SETBP1: variants seen among roughly 807,000 people sequenced by gnomAD.
SETBP1 encodes the protein SET-binding protein.
In SETBP1, 9 loss-of-function variants were observed where a neutral mutation model predicts 101.0. That is an observed-to-expected ratio of 0.09 (90% CI 0.05 to 0.16). SETBP1 has a LOEUF of 0.16. Among genes scored for constraint, SETBP1 ranks in the 10% least tolerant of loss-of-function variants. The pLI is 1.00. For missense variants in SETBP1, 1,858 were observed against 2,033.8 expected, an observed-to-expected ratio of 0.91 and a Z score of 1.66; for synonymous variants, 818 against 788.5, an observed-to-expected ratio of 1.04 and a Z score of -0.63.
chr18:44,753,304 CA>C (rs1247753355), intron 2 of SETBP1, among the ~76,000 whole-genome samples: 9 of 152,144 alleles, frequency 5.9e-5, no homozygotes, highest in African/African-American at 2.2e-4. Flanking sequence ...CATAAAACCC[CA>C]GAATGATAAT....
intron 3 of SETBP1, among the ~76,000 whole-genome samples, chr18:44,938,837 C>CTG (rs2071019858): frequency 1.3e-5 from 2 of 152,128 alleles, no homozygotes; most frequent in South Asian, 2.1e-4. Context: ...TCAGCTATCT[C>CTG]TGCACAGAGG....
chr18:45,001,684 G>A (rs1251339831), intron 4 of SETBP1, among the ~76,000 whole-genome samples: 3 of 152,168 alleles, frequency 2.0e-5, no homozygotes, highest in Non-Finnish European at 4.4e-5. Context: ...GTTCTAATTT[G>A]AGCCTTGCAA....
intron 2 of SETBP1, among the ~76,000 whole-genome samples, chr18:44,718,686 A>C (rs1442097039): frequency 2.0e-5 from 3 of 152,160 alleles, no homozygotes; most frequent in Non-Finnish European, 4.4e-5. Context: ...CAGATGTTGC[A>C]AGTGGGGTAC....
At chr18:44,883,690 C>A (rs1035144204) in intron 3 of SETBP1, among the ~76,000 whole-genome samples, 6 of 152,158 alleles carry the variant, frequency 3.9e-5, no homozygotes, top group Non-Finnish European at 8.8e-5. Context: ...CTTTCTTATA[C>A]TTGGTGAGCA....
At chr18:44,928,723 G>A (rs924175247) in intron 3 of SETBP1, among the ~76,000 whole-genome samples, 1 of 152,180 alleles carries the variant, frequency 6.6e-6, no homozygotes, top group Admixed American at 6.5e-5. Flanking sequence ...CTGCATAAAT[G>A]TCTTCTTTTG....
At chr18:44,944,275 G>T (rs772311463) in intron 3 of SETBP1, among the ~76,000 whole-genome samples, 2 of 152,076 alleles carry the variant, frequency 1.3e-5, no homozygotes, top group South Asian at 4.1e-4. Flanking sequence ...AGGAATGCTC[G>T]GTGTTGCTAA....
intron 2 of SETBP1, among the ~76,000 whole-genome samples, chr18:44,844,996 C>T (rs552705351): frequency 8.5e-4 from 130 of 152,078 alleles, no homozygotes; most frequent in African/African-American, 3.0e-3. Context: ...TGATGGGAAT[C>T]GGTGACAGAC....
At chr18:45,055,832 G>T (rs1456647345) in intron 5 of SETBP1, among the ~76,000 whole-genome samples, 2 of 152,078 alleles carry the variant, frequency 1.3e-5, no homozygotes, top group African/African-American at 4.8e-5. Context: ...AAGTAGTTCT[G>T]TTTGCAAGGT....
intron 2 of SETBP1, among the ~76,000 whole-genome samples, chr18:44,768,598 T>A (rs572724889): frequency 3.9e-5 from 6 of 152,360 alleles, no homozygotes; most frequent in Admixed American, 2.0e-4. Context: ...ACCAAGATTT[T>A]TGGTGATTAC....
intron 2 of SETBP1, among the ~76,000 whole-genome samples, chr18:44,780,958 A>G (rs184400908): frequency 2.0e-5 from 3 of 152,284 alleles, no homozygotes; most frequent in Admixed American, 1.3e-4. Context: ...AAAGAGTTCC[A>G]GAGAAGGGGA....
chr18:44,701,990 T>A (rs1243771683), intron 2 of SETBP1, among the ~76,000 whole-genome samples, 158 bp downstream of exon 2: 1 of 152,176 alleles, frequency 6.6e-6, no homozygotes, highest in Non-Finnish European at 1.5e-5. Context: ...GTGTAACTTT[T>A]GACTTCCCCC....
chr18:44,874,352 T>A (rs1014685434), intron 3 of SETBP1, among the ~76,000 whole-genome samples: 1 of 152,210 alleles, frequency 6.6e-6, no homozygotes, highest in East Asian at 1.9e-4. Context: ...ATTTTTGGAA[T>A]CCATCTGAAG....
chr18:45,034,148 G>C (rs2073349908), intron 4 of SETBP1, among the ~76,000 whole-genome samples: 1 of 152,094 alleles, frequency 6.6e-6, no homozygotes, highest in Non-Finnish European at 1.5e-5. Flanking sequence ...TGAGCAACCT[G>C]GGGAAGAGGT....
chr18:44,682,775 C>T (rs570302555), intron 1 of SETBP1, among the ~76,000 whole-genome samples: 1 of 152,232 alleles, frequency 6.6e-6, no homozygotes, highest in East Asian at 1.9e-4. Flanking sequence ...GCTTGGCACA[C>T]GATTTCTCCT....
intron 3 of SETBP1, among the ~76,000 whole-genome samples, chr18:44,882,157 A>G (rs1167644566): frequency 6.6e-6 from 1 of 152,192 alleles, no homozygotes; most frequent in Non-Finnish European, 1.5e-5. Context: ...GCTGTCCCCA[A>G]TATTTTAGTA....
intron 2 of SETBP1, among the ~76,000 whole-genome samples, chr18:44,781,722 G>A (rs576171180): frequency 2.2e-4 from 33 of 152,170 alleles, no homozygotes; most frequent in Non-Finnish European, 3.5e-4. Flanking sequence ...GTGTTAGAGA[G>A]GATGGTACCA....
intron 3 of SETBP1, among the ~76,000 whole-genome samples, chr18:44,893,458 G>C (rs2069818886): frequency 6.6e-6 from 1 of 152,132 alleles, no homozygotes; most frequent in African/African-American, 2.4e-5. Flanking sequence ...TGCAAACACA[G>C]GCTCTTCAGC....
At chr18:44,939,632 A>G (rs2145039985) in intron 3 of SETBP1, among the ~76,000 whole-genome samples, 1 of 152,316 alleles carries the variant, frequency 6.6e-6, no homozygotes, top group East Asian at 1.9e-4. Flanking sequence ...ATGCTGAGAG[A>G]TCTTCCAAAG....
chr18:44,855,964 G>C (rs1482006779), intron 2 of SETBP1, among the ~76,000 whole-genome samples: 1 of 152,146 alleles, frequency 6.6e-6, no homozygotes, highest in Admixed American at 6.5e-5. Flanking sequence ...GGGCAGGACT[G>C]GGGAGCAACG....
Sources: gnomAD v4.1 joint callset for allele counts (sites outside exome capture counted in the v4.1 genomes callset) on GRCh38, gnomAD v4.1.1 for gene constraint, MANE v1.5 for transcripts, NCBI Gene and HGNC (gene_info 2026-07-23, HGNC 2026-07-21) for gene names.